The following BCL9 variants were observed in gnomAD, a reference collection of about 807,000 sequenced individuals.
BCL9 encodes the protein BCL9 transcription coactivator, also known as B-cell CLL/lymphoma 9 protein.
A neutral mutation model predicts 88.5 loss-of-function variants in BCL9; 25 were observed. The observed-to-expected ratio is 0.28, with a 90% CI of 0.21 to 0.39. The LOEUF (loss-of-function observed/expected upper bound fraction) is 0.39. Among genes scored for constraint, BCL9 ranks in the 10% least tolerant of loss-of-function variants. The pLI is 1.00. For missense variants in BCL9, 1,817 were observed against 1,877.8 expected (o/e 0.97, Z 0.60); for synonymous variants, 711 against 673.3 (o/e 1.06, Z -0.87).
intron 7 of BCL9, 22 bp downstream of exon 7, chr1:147,615,924 G>C: frequency 6.3e-7 from 1 of 1,582,926 alleles, no homozygotes; most frequent in Non-Finnish European, 8.7e-7. Context: ...CAGAAACTGA[G>C]TAATGGTTTA....
At chr1:147,598,982 GCTACC>G (rs1657181178) in intron 1 of BCL9, among the ~76,000 whole-genome samples, 1 of 152,204 alleles carries the variant, frequency 6.6e-6, no homozygotes, top group South Asian at 2.1e-4. Context: ...AATCTAATGG[GCTACC>G]CTCTCACAAC....
intron 1 of BCL9, among the ~76,000 whole-genome samples, chr1:147,557,995 C>T (rs1655195583): frequency 6.6e-6 from 1 of 152,094 alleles, no homozygotes; most frequent in South Asian, 2.1e-4. Context: ...GTAAGACCCA[C>T]ATTACTTTAC....
intron 1 of BCL9, among the ~76,000 whole-genome samples, chr1:147,562,111 C>T (rs1456395529): frequency 2.0e-5 from 3 of 152,052 alleles, no homozygotes; most frequent in Non-Finnish European, 2.9e-5. Flanking sequence ...GGCGGATCAC[C>T]TGAGGTCGGG....
intron 1 of BCL9, among the ~76,000 whole-genome samples, chr1:147,545,743 A>G (rs1391633559): frequency 6.6e-6 from 1 of 152,214 alleles, no homozygotes; most frequent in Admixed American, 6.5e-5. Flanking sequence ...AGACATAAAT[A>G]TAAGATGTAC....
At chr1:147,553,836 A>G (rs76250423) in intron 1 of BCL9, among the ~76,000 whole-genome samples, 1 of 152,238 alleles carries the variant, frequency 6.6e-6, no homozygotes, top group Non-Finnish European at 1.5e-5. Context: ...TTGCCAGCAG[A>G]GTTGGCAGGT....
rs1218183223 is a variant in BCL9, at chr1:147,625,944, C to CT, written c.*988dup. ...TCTCTGGTCTTTTTTCCCCCTAAGT[C>CT]TTTCTCTTTCCCATCATACCCTTCC... On this transcript the variant is annotated 3_prime_UTR_variant, in exon 10 of 10. Transcript: ENST00000234739. 4.3e-6 allele frequency: 1 copy of CT among 232,738 alleles called. No individual in the cohort carries two copies. Among genetic ancestry groups the CT allele is most frequent in the Non-Finnish European group, 8.5e-6 (1 of 117,534 alleles). 14.4% of individuals were successfully genotyped at this position (232,738 alleles called of 1,614,324 possible).
intron 1 of BCL9, among the ~76,000 whole-genome samples, chr1:147,581,925 T>C (rs1656389007): frequency 6.6e-6 from 1 of 152,210 alleles, no homozygotes; most frequent in Non-Finnish European, 1.5e-5. Context: ...ATTTTAAACA[T>C]AATATTTATA....
At chr1:147,580,855 G>C (rs73007972) in intron 1 of BCL9, among the ~76,000 whole-genome samples, 13,251 of 152,082 alleles carry the variant, frequency 0.087, 1,603 homozygotes, top group African/African-American at 0.28. Context: ...TATTTTTCTT[G>C]TATTATCTCT....
At chr1:147,549,562 G>C (rs958562345) in intron 1 of BCL9, among the ~76,000 whole-genome samples, 2 of 152,188 alleles carry the variant, frequency 1.3e-5, no homozygotes, top group Non-Finnish European at 2.9e-5. Flanking sequence ...CCAGGAATCT[G>C]CAGTTGTGAC....
In BCL9 at chr1:147,624,702, C is replaced by T. The variant is rs1570927511; in HGVS notation, c.4024C>T (p.Pro1342Ser). 6.2e-7 allele frequency: 1 copy of T among 1,614,186 alleles called. No individual in the cohort carries two copies. The highest frequency in any genetic ancestry group is 1.1e-5 in the South Asian group (1 of 91,080). ...GATGTCACCAGCACAATCTACAATGCCCGGCCAGCCCACCCTGATGAGCAA... is the reference window on the plus strand; with the variant it reads ...GATGTCACCAGCACAATCTACAATGTCCGGCCAGCCCACCCTGATGAGCAA... Reference protein sequence around the residue: ...RMMSPAQSTMPGQPTLMSNPA... With the variant: ...RMMSPAQSTMSGQPTLMSNPA... Residue 1342 changes from proline to serine, a missense_variant, in exon 10 of 10, where the codon CCC becomes TCC. Around this residue, in one of 2 missense-constraint regions of BCL9, gnomAD observed 589 missense variants for 686.2 expected, o/e 0.86. Transcript: ENST00000234739. This position sits in a 1 kb window ranked among gnomAD's most constrained non-coding sequence, Gnocchi z 4.4.
Position 147,614,462 on chromosome 1 carries a change from T to C in BCL9, c.406T>C (p.Ser136Pro). ...NSADHIKSQD[S>P]QHTPHSMTPS... ...TGCTGACCACATAAAGTCCCAGGAT[T>C]CCCAGCACACACCACACTCGATGAC... The change falls in exon 6 of 10, where the codon TCC (serine) becomes CCC (proline). Residue 136 changes from serine to proline, a missense_variant. Coordinates refer to ENST00000234739, the MANE Select transcript of BCL9 (RefSeq NM_004326.4). 2 of 1,614,020 alleles carry C rather than the reference T, an allele frequency of 1.2e-6. No individual in the cohort carries two copies. The highest frequency in any genetic ancestry group is 1.7e-6 in the Non-Finnish European group (2 of 1,179,982).
At chr1:147,595,060 T>G (rs949940843) in intron 1 of BCL9, among the ~76,000 whole-genome samples, 20 of 152,202 alleles carry the variant, frequency 1.3e-4, no homozygotes, top group African/African-American at 4.3e-4. Context: ...TGGATAGAAT[T>G]TGGAGTAATT....
intron 1 of BCL9, among the ~76,000 whole-genome samples, chr1:147,593,313 T>C (rs1178266046): frequency 3.3e-5 from 5 of 152,234 alleles, no homozygotes; most frequent in African/African-American, 1.2e-4. Context: ...CATTTATTTA[T>C]TTATTGCCTT....
At chr1:147,579,467 A>G (rs1387650404) in intron 1 of BCL9, among the ~76,000 whole-genome samples, 1 of 152,140 alleles carries the variant, frequency 6.6e-6, no homozygotes, top group East Asian at 1.9e-4. Context: ...CTGCTGTTCT[A>G]CCCCTGCTAG....
chr1:147,610,349 G>C (rs1410402659), intron 3 of BCL9, among the ~76,000 whole-genome samples: 4 of 152,100 alleles, frequency 2.6e-5, no homozygotes, highest in African/African-American at 9.7e-5. Context: ...ATTTAATTGA[G>C]TGTACTCAGA....
chr1:147,543,718 A>G (rs1278962817), intron 1 of BCL9, among the ~76,000 whole-genome samples: 1 of 152,172 alleles, frequency 6.6e-6, no homozygotes, highest in African/African-American at 2.4e-5. Flanking sequence ...ATAGATGAGG[A>G]TGTTAAGGTC....
rs782456888 is a variant in BCL9 at position 147,619,120 on chromosome 1, A to G, written c.965A>G (p.Asn322Ser). The G allele has an allele frequency of 7.4e-6, 12 of 1,613,726 alleles. No homozygotes were observed. In the East Asian group the frequency reaches 1.8e-4, roughly 24 times the overall value. Reference protein sequence around the residue: ...RAVTPVSQGSNSSSADPKAPP... With the variant: ...RAVTPVSQGSSSSSADPKAPP... ...GTGACCCCTGTCTCCCAGGGGAGCA[A>G]TAGCTCTTCAGCAGATCCCAAAGCC... The change falls in exon 8 of 10, where the codon AAT becomes AGT. Residue 322 changes from asparagine (N) to serine (S), a missense_variant. This residue lies in a region of BCL9 where 1,228 missense variants were observed against 1,191.6 expected (regional missense o/e 1.03). Coordinates refer to ENST00000234739, the MANE Select transcript of BCL9 (RefSeq NM_004326.4). This position sits in a 1 kb window ranked among gnomAD's most constrained non-coding sequence, Gnocchi z 4.1.
chr1:147,615,422 A>G (rs1658227619), intron 6 of BCL9, among the ~76,000 whole-genome samples: 1 of 152,218 alleles, frequency 6.6e-6, no homozygotes, highest in Non-Finnish European at 1.5e-5. Context: ...TAAGATAAAA[A>G]GTGAATCTTA....
At chr1:147,557,549 A>G (rs868962436) in intron 1 of BCL9, among the ~76,000 whole-genome samples, 2 of 152,176 alleles carry the variant, frequency 1.3e-5, no homozygotes, top group African/African-American at 2.4e-5. Context: ...TCGCAGGGAT[A>G]TCCTCCTTCC....
Sources: allele counts gnomAD v4.1 joint callset (sites outside exome capture counted in the v4.1 genomes callset), GRCh38; gene constraint gnomAD v4.1.1; regional missense constraint gnomAD v4.1.1; non-coding constraint Gnocchi (gnomAD v3.1); transcripts MANE v1.5; gene names NCBI Gene and HGNC (gene_info 2026-07-23, HGNC 2026-07-21).